CMPK1: variants seen among roughly 807,000 people sequenced by gnomAD.
CMPK1 encodes the protein cytidine/uridine monophosphate kinase 1, also known as UMP-CMP kinase.
A neutral mutation model predicts 25.7 loss-of-function variants in CMPK1; 10 were observed. The observed-to-expected ratio is 0.39, with a 90% CI of 0.24 to 0.66. The LOEUF is 0.66. Ranked by LOEUF, CMPK1 falls within the 30% of genes least tolerant of loss-of-function variation. The pLI is 0.48. For synonymous variants in CMPK1, 106 were observed against 101.5 expected, an observed-to-expected ratio of 1.04 and a Z score of -0.27; for missense variants, 199 against 280.5, an observed-to-expected ratio of 0.71 and a Z score of 2.08.
rs1173549335 is a variant in CMPK1, at chr1:47,334,002, G to A, written c.57G>A (p.Leu19=). Residue 19 remains leucine (L), a synonymous_variant, in exon 1 of 6, where the codon CTG becomes CTA. Coordinates refer to ENST00000371873, the MANE Select transcript of CMPK1 (RefSeq NM_016308.3). Reference sequence around the variant, plus strand: ...ACGTCCTGGGCCTTAGCTTCCTGCTGCAGACCCGCCGGCCGATTCTCCTCT... The same window carrying A: ...ACGTCCTGGGCCTTAGCTTCCTGCTACAGACCCGCCGGCCGATTCTCCTCT... The part of the protein sequence containing the change: ...LLHVLGLSFL[L]QTRRPILLCS... The A allele has an allele frequency of 6.5e-7, 1 of 1,544,756 alleles. No individual in the cohort carries two copies. The highest frequency in any genetic ancestry group is 8.7e-7 in the Non-Finnish European group (1 of 1,145,504).
At position 47,359,022 on chromosome 1, in the gene CMPK1, TAAG is replaced by T. The variant is rs993425235; in HGVS notation, c.172-9444_172-9442del. ...TTTAATGTTATTTACCTTTTTATAA[TAAG>T]AAAGAAGTACAGGCCAGGCGCGGTG... On this transcript the variant is annotated intron_variant, in intron 1 of 5. Transcript: ENST00000371873. 18 of 917,522 alleles carry T rather than the reference TAAG, an allele frequency of 2.0e-5. No homozygotes were observed. The African/African-American group carries it at 2.5e-4, about 13-fold the overall frequency. 56.8% of individuals were successfully genotyped at this position (917,522 alleles called of 1,614,324 possible).
intron 1 of CMPK1, chr1:47,358,287 A>G (rs1487522147): frequency 1.8e-6 from 1 of 557,566 alleles, no homozygotes; most frequent in African/African-American, 1.9e-5. Context: ...TAATTTTTCC[A>G]TTTTTTGTAG....
intron 1 of CMPK1, among the ~76,000 whole-genome samples, chr1:47,335,153 G>GT (rs1396930577): frequency 1.3e-5 from 2 of 152,028 alleles, no homozygotes; most frequent in Non-Finnish European, 2.9e-5. Context: ...ACCAACAAAA[G>GT]TTTTTTTGAC....
chr1:47,366,475 C>T (rs896183372), intron 1 of CMPK1, among the ~76,000 whole-genome samples: 1 of 151,900 alleles, frequency 6.6e-6, no homozygotes, highest in African/African-American at 2.4e-5. Context: ...ACCATAATAA[C>T]TTATATGTAA....
At chr1:47,356,454 G>C (rs1424261010) in intron 1 of CMPK1, among the ~76,000 whole-genome samples, 2 of 152,052 alleles carry the variant, frequency 1.3e-5, no homozygotes, top group African/African-American at 4.8e-5. Context: ...CTCATTTGTA[G>C]TTATTAATAT....
At chr1:47,348,465 G>A (rs947755786) in intron 1 of CMPK1, among the ~76,000 whole-genome samples, 3 of 152,164 alleles carry the variant, frequency 2.0e-5, no homozygotes, top group Non-Finnish European at 4.4e-5. Context: ...CATACTGTTT[G>A]CTGACAGTTT....
chr1:47,376,093 T>A (rs1646706448), intron 5 of CMPK1, among the ~76,000 whole-genome samples: 1 of 151,834 alleles, frequency 6.6e-6, no homozygotes, highest in Admixed American at 6.6e-5. Context: ...TTTTATCAAA[T>A]TATTGGTAGC....
At chr1:47,334,351 G>C (rs1374410579) in intron 1 of CMPK1, among the ~76,000 whole-genome samples, 1 of 152,104 alleles carries the variant, frequency 6.6e-6, no homozygotes, top group East Asian at 1.9e-4. Flanking sequence ...TTGTTCCTGC[G>C]CCCCTTCTTT....
intron 1 of CMPK1, among the ~76,000 whole-genome samples, chr1:47,365,383 C>G (rs867932846): frequency 1.3e-5 from 2 of 151,276 alleles, no homozygotes; most frequent in Middle Eastern, 3.4e-3. Flanking sequence ...CCTGTAATCT[C>G]AGCACTTTGA....
intron 1 of CMPK1, among the ~76,000 whole-genome samples, chr1:47,346,853 C>T (rs1646488530): frequency 6.8e-6 from 1 of 146,144 alleles, no homozygotes; most frequent in African/African-American, 2.5e-5. Flanking sequence ...TCACTCCTCT[C>T]CCCTCTCCTC....
chr1:47,359,397 T>TC (rs1238218725), intron 1 of CMPK1, among the ~76,000 whole-genome samples: 1 of 129,830 alleles, frequency 7.7e-6, no homozygotes, highest in Non-Finnish European at 1.5e-5. Context: ...TTTTTTTTTT[T>TC]TTTTTTTTGA....
At chr1:47,367,824 G>A (rs568191969) in intron 1 of CMPK1, among the ~76,000 whole-genome samples, 34 of 152,306 alleles carry the variant, frequency 2.2e-4, no homozygotes, top group African/African-American at 7.7e-4. Flanking sequence ...CTGGAGGGCA[G>A]TGGTGCAATC....
intron 1 of CMPK1, among the ~76,000 whole-genome samples, chr1:47,347,315 T>A (rs1646492663): frequency 6.6e-6 from 1 of 151,394 alleles, no homozygotes; most frequent in African/African-American, 2.4e-5. Flanking sequence ...ACTCAGGCCA[T>A]CCTCCCACCT....
chr1:47,363,479 T>A (rs61784775), intron 1 of CMPK1, among the ~76,000 whole-genome samples: 1 of 151,662 alleles, frequency 6.6e-6, no homozygotes, highest in East Asian at 1.9e-4. Flanking sequence ...CAAAAAAATT[T>A]GCTGCGCATG....
At chr1:47,334,152 T>G in intron 1 of CMPK1, 36 bp downstream of exon 1, 2 of 1,443,250 alleles carry the variant, frequency 1.4e-6, no homozygotes, top group East Asian at 6.0e-5. Context: ...CCTTGGGGCT[T>G]GACGGGATGC....
chr1:47,367,017 C>T lies in CMPK1; in HGVS notation c.172-1452C>T, dbSNP rs529428388. Among the ~76,000 whole-genome samples, 46 of 152,208 alleles carry T rather than the reference C, an allele frequency of 3.0e-4. No individual in the cohort carries two copies. The South Asian group carries it at 3.7e-3, about 12-fold the overall frequency. ...CTGGGATTATAGGTGTGAGCCACCG[C>T]ACCCAGCCTTTTTTTCTTTCTTTTA... On this transcript the variant is annotated intron_variant, in intron 1 of 5. Coordinates refer to ENST00000371873, the MANE Select transcript of CMPK1 (RefSeq NM_016308.3).
chr1:47,344,019 G>C (rs1646464451), intron 1 of CMPK1, among the ~76,000 whole-genome samples: 1 of 150,916 alleles, frequency 6.6e-6, no homozygotes, highest in African/African-American at 2.4e-5. Flanking sequence ...AATAAGACAT[G>C]ATCACGCCAC....
At chr1:47,361,767 C>T (rs1245909046) in intron 1 of CMPK1, among the ~76,000 whole-genome samples, 1 of 146,064 alleles carries the variant, frequency 6.8e-6, no homozygotes, top group East Asian at 2.0e-4. Context: ...TCTTTCAGAT[C>T]ACAAGGGAAA....
At chr1:47,358,836 A>G (rs1570368710) in intron 1 of CMPK1, 2 of 983,928 alleles carry the variant, frequency 2.0e-6, no homozygotes, top group East Asian at 2.3e-4. Flanking sequence ...TCTGGTGTTG[A>G]TTCTTAAATT....
Sources: gnomAD v4.1 joint callset for allele counts (sites outside exome capture counted in the v4.1 genomes callset) on GRCh38, gnomAD v4.1.1 for gene constraint, MANE v1.5 for transcripts, NCBI Gene and HGNC (gene_info 2026-07-23, HGNC 2026-07-21) for gene names.